CNTN5: variants seen among roughly 807,000 people sequenced by gnomAD.
CNTN5 encodes the protein contactin 5, also known as contactin-5.
CNTN5 carries 77 observed loss-of-function variants against 129.1 expected under a neutral mutation model. The observed-to-expected ratio is 0.60, with a 90% CI of 0.50 to 0.72. The LOEUF is 0.72. Ranked by LOEUF, CNTN5 falls within the 30% of genes least tolerant of loss-of-function variation. The probability of loss-of-function intolerance (pLI) is 0.00; values close to 1 mark genes in which losing one functional copy is unlikely to be tolerated. For missense variants in CNTN5, 1,478 were observed against 1,328.8 expected, an observed-to-expected ratio of 1.11 and a Z score of -1.75; for synonymous variants, 509 against 465.6, an observed-to-expected ratio of 1.09 and a Z score of -1.20.
chr11:99,972,067 G>T (rs1265439516), intron 8 of CNTN5, among the ~76,000 whole-genome samples: 1 of 129,834 alleles, frequency 7.7e-6, no homozygotes, highest in Non-Finnish European at 1.6e-5. Flanking sequence ...GGCTAACACG[G>T]TGAAAACTTA....
intron 11 of CNTN5, among the ~76,000 whole-genome samples, 185 bp downstream of exon 11, chr11:100,070,745 A>G (rs1943889542): frequency 6.6e-6 from 1 of 152,166 alleles, no homozygotes; most frequent in African/African-American, 2.4e-5. Context: ...TCTGGGATAT[A>G]GTAGTCATAT....
At chr11:99,762,608 C>G (rs1944619577) in intron 3 of CNTN5, among the ~76,000 whole-genome samples, 2 of 152,016 alleles carry the variant, frequency 1.3e-5, no homozygotes, top group Non-Finnish European at 2.9e-5. Context: ...GGGCTCTGTT[C>G]TGTTCCATTG....
chr11:99,690,584 T>G (rs193123277), intron 3 of CNTN5, among the ~76,000 whole-genome samples: 21 of 152,198 alleles, frequency 1.4e-4, no homozygotes, highest in Middle Eastern at 3.4e-3. Flanking sequence ...TTAAAAAAAC[T>G]GATTCTTCCT....
intron 2 of CNTN5, among the ~76,000 whole-genome samples, chr11:99,508,459 T>G (rs985454698): frequency 6.6e-5 from 10 of 152,102 alleles, no homozygotes; most frequent in African/African-American, 1.9e-4. Flanking sequence ...AGTACACCGA[T>G]GCAGAGCCAC....
intron 1 of CNTN5, among the ~76,000 whole-genome samples, chr11:99,144,918 C>T (rs1859703286): frequency 6.6e-6 from 1 of 151,470 alleles, no homozygotes; most frequent in Non-Finnish European, 1.5e-5. Flanking sequence ...TTTTATTTTC[C>T]TTGGATTTTG....
At chr11:99,306,614 A>T (rs890255661) in intron 1 of CNTN5, among the ~76,000 whole-genome samples, 1 of 151,802 alleles carries the variant, frequency 6.6e-6, no homozygotes, top group Non-Finnish European at 1.5e-5. Context: ...CTCTTTTTTA[A>T]CTAAAAAAAT....
chr11:100,056,264 G>A, intron 9 of CNTN5, among the ~76,000 whole-genome samples: 1 of 151,076 alleles, frequency 6.6e-6, no homozygotes. Context: ...TGTGATTCTG[G>A]GATAACTGAA....
At chr11:99,103,191 G>A (rs568867819) in intron 1 of CNTN5, among the ~76,000 whole-genome samples, 1 of 152,144 alleles carries the variant, frequency 6.6e-6, no homozygotes, top group African/African-American at 2.4e-5. Flanking sequence ...CAATACATGG[G>A]AATTATGGGA....
intron 3 of CNTN5, among the ~76,000 whole-genome samples, chr11:99,596,603 T>C (rs1284927594): frequency 2.0e-5 from 3 of 152,148 alleles, no homozygotes; most frequent in African/African-American, 4.8e-5. Flanking sequence ...GCTTCAGAAG[T>C]AAAATTAACA....
At chr11:100,265,989 A>G (rs888159828) in intron 17 of CNTN5, among the ~76,000 whole-genome samples, 5 of 152,098 alleles carry the variant, frequency 3.3e-5, no homozygotes, top group Non-Finnish European at 1.5e-5. Context: ...CTTAACTCAG[A>G]TATGCTTCTT....
chr11:100,001,427 A>G (rs1939869122), intron 8 of CNTN5, among the ~76,000 whole-genome samples: 1 of 152,180 alleles, frequency 6.6e-6, no homozygotes, highest in Admixed American at 6.6e-5. Flanking sequence ...GGGGACACAG[A>G]GCCAAACCAT....
At chr11:99,546,402 A>T (rs1948292405) in intron 2 of CNTN5, among the ~76,000 whole-genome samples, 1 of 152,182 alleles carries the variant, frequency 6.6e-6, no homozygotes, top group Non-Finnish European at 1.5e-5. Flanking sequence ...TATGAATCCC[A>T]TTCAGAACCC....
At chr11:99,187,122 C>T (rs994848113) in intron 1 of CNTN5, among the ~76,000 whole-genome samples, 43 of 151,928 alleles carry the variant, frequency 2.8e-4, no homozygotes, top group African/African-American at 9.6e-4. Context: ...CAAAATTCTA[C>T]GTGTATCCAG....
intron 6 of CNTN5, among the ~76,000 whole-genome samples, chr11:99,864,050 G>A (rs1033911730): frequency 2.0e-5 from 3 of 152,122 alleles, no homozygotes; most frequent in Non-Finnish European, 4.4e-5. Context: ...TCTGGGATCC[G>A]GACTTCGCTC....
chr11:99,034,713 A>G (rs1398545180), intron 1 of CNTN5, among the ~76,000 whole-genome samples: 1 of 152,220 alleles, frequency 6.6e-6, no homozygotes, highest in Non-Finnish European at 1.5e-5. Context: ...ATCCTTTCAA[A>G]AAACCAGCTC....
intron 3 of CNTN5, among the ~76,000 whole-genome samples, chr11:99,638,035 G>T (rs1298185197): frequency 1.3e-5 from 2 of 151,718 alleles, no homozygotes; most frequent in East Asian, 3.9e-4. Flanking sequence ...TAAGATTATT[G>T]TATTTGTTTT....
intron 9 of CNTN5, among the ~76,000 whole-genome samples, chr11:100,020,538 T>C (rs1300342209): frequency 6.6e-6 from 1 of 152,112 alleles, no homozygotes; most frequent in African/African-American, 2.4e-5. Flanking sequence ...TATAACTTTG[T>C]GGTAGATTCT....
chr11:99,412,690 T>C (rs925311947), intron 2 of CNTN5, among the ~76,000 whole-genome samples: 51 of 152,224 alleles, frequency 3.4e-4, no homozygotes, highest in African/African-American at 1.2e-3. Context: ...ATTCCCGAGG[T>C]CGCCATGCCA....
intron 17 of CNTN5, among the ~76,000 whole-genome samples, chr11:100,263,225 C>A (rs987095068): frequency 7.2e-4 from 109 of 152,210 alleles, no homozygotes; most frequent in African/African-American, 1.9e-3. Context: ...TACTGAGTAA[C>A]AACTGTGTTT....
Sources: gnomAD v4.1 joint callset for allele counts (sites outside exome capture counted in the v4.1 genomes callset) on GRCh38, gnomAD v4.1.1 for gene constraint, MANE v1.5 for transcripts, NCBI Gene and HGNC (gene_info 2026-07-23, HGNC 2026-07-21) for gene names.